The following TUSC3 variants were observed in gnomAD, a reference collection of about 807,000 sequenced individuals.
TUSC3 encodes the protein dolichyl-diphosphooligosaccharide--protein glycosyltransferase subunit TUSC3.
In TUSC3, 45 loss-of-function variants were observed where a neutral mutation model predicts 44.8. The ratio of observed to expected loss-of-function variants is 1.00; its 90% CI spans 0.79 to 1.29. The LOEUF (loss-of-function observed/expected upper bound fraction) is 1.29, where lower values mean the gene tolerates loss of function less well. TUSC3 is among the 50% of genes most tolerant of loss of function. The probability of loss-of-function intolerance (pLI) is 0.00; values close to 1 mark genes in which losing one functional copy is unlikely to be tolerated. For synonymous variants in TUSC3, 212 were observed against 152.9 expected, an observed-to-expected ratio of 1.39 and a Z score of -2.85; for missense variants, 519 against 437.9, an observed-to-expected ratio of 1.19 and a Z score of -1.65.
At chr8:15,621,080 T>G (rs1156932241) in intron 1 of TUSC3, among the ~76,000 whole-genome samples, 1 of 152,076 alleles carries the variant, frequency 6.6e-6, no homozygotes, top group East Asian at 1.9e-4. Context: ...CTTAGACCAG[T>G]TCTCTTCTGC....
intron 1 of TUSC3, among the ~76,000 whole-genome samples, chr8:15,621,548 C>A (rs1252385598): frequency 6.9e-6 from 1 of 145,436 alleles, no homozygotes; most frequent in Admixed American, 6.9e-5. Context: ...AGTATATTTC[C>A]AAAGTTATAT....
At chr8:15,523,688 G>GTATATA (rs1296439729) in intron 2 of TUSC3, among the ~76,000 whole-genome samples, 9 of 50,074 alleles carry the variant, frequency 1.8e-4, no homozygotes, top group African/African-American at 5.0e-4. Flanking sequence ...GTGTGTGTGT[G>GTATATA]TGTGTGTGTG....
chr8:15,569,831 T>C (rs1224682994), intron 1 of TUSC3, among the ~76,000 whole-genome samples: 1 of 152,154 alleles, frequency 6.6e-6, no homozygotes. Flanking sequence ...TTGTGTATGA[T>C]TTGTAATCCA....
intron 1 of TUSC3, among the ~76,000 whole-genome samples, chr8:15,562,094 G>A (rs923475289): frequency 6.6e-6 from 1 of 152,162 alleles, no homozygotes; most frequent in Middle Eastern, 3.2e-3. Context: ...GCAGCAGTAA[G>A]AACAGCTATG....
intron 2 of TUSC3, among the ~76,000 whole-genome samples, chr8:15,530,290 C>G (rs1801432925): frequency 1.3e-5 from 2 of 152,070 alleles, no homozygotes; most frequent in Admixed American, 6.6e-5. Context: ...CTTTGCCTAT[C>G]ATTTCTTTCT....
chr8:15,790,765 G>C, the TUSC3 span, among the ~76,000 whole-genome samples: 1 of 152,144 alleles, frequency 6.6e-6, no homozygotes, highest in Non-Finnish European at 1.5e-5. Context: ...TCAAACTTGA[G>C]AATCAAGGTG....
intron 1 of TUSC3, among the ~76,000 whole-genome samples, chr8:15,456,896 T>A (rs1192563964): frequency 6.6e-6 from 1 of 152,090 alleles, no homozygotes; most frequent in Non-Finnish European, 1.5e-5. Context: ...ACCAAAAGCA[T>A]TGACTTGAAT....
intron 2 of TUSC3, among the ~76,000 whole-genome samples, chr8:15,528,894 C>G (rs988705361): frequency 2.6e-5 from 4 of 152,104 alleles, no homozygotes; most frequent in Admixed American, 1.3e-4. Context: ...GAACTTTGAC[C>G]TCAGAGCATC....
At chr8:15,827,947 T>C in the TUSC3 span, among the ~76,000 whole-genome samples, 5 of 151,984 alleles carry the variant, frequency 3.3e-5, no homozygotes, top group Non-Finnish European at 7.4e-5. Flanking sequence ...TCTCAAAATA[T>C]ATACTGAAGT....
chr8:15,675,316 C>G (rs1271415600), intron 6 of TUSC3, among the ~76,000 whole-genome samples: 6 of 151,582 alleles, frequency 4.0e-5, no homozygotes, highest in Non-Finnish European at 8.8e-5. Flanking sequence ...AGGTATAAAA[C>G]ATATTAAGGC....
At position 15,738,098 on chromosome 8, in the gene TUSC3, C is replaced by A. The variant is rs566431833; in HGVS notation, c.863-5440C>A. ...TAATTACACCCATCAGGTTTTTAAA[C>A]GGCTCACTGCTCTTTTCTTGTTAAA... is the stretch of plus-strand genomic sequence containing the variant. On this transcript the variant is annotated intron_variant, in intron 7 of 10. Transcript: ENST00000503731. 2.0e-5 allele frequency among the ~76,000 whole-genome samples: 3 copies of A among 152,080 alleles called. No individual in the cohort carries two copies. In the South Asian group the frequency reaches 6.2e-4, roughly 32 times the overall value.
the TUSC3 span, chr8:15,807,151 C>T: frequency 2.3e-6 from 2 of 887,670 alleles, no homozygotes; most frequent in South Asian, 2.7e-5. Flanking sequence ...CTTGGCAAAG[C>T]AATCACAGCC....
intron 2 of TUSC3, among the ~76,000 whole-genome samples, chr8:15,638,244 A>G (rs1032837751): frequency 2.0e-5 from 3 of 149,446 alleles, no homozygotes; most frequent in Admixed American, 6.7e-5. Flanking sequence ...CTGTTCTTGC[A>G]TGGATTACTG....
chr8:15,425,475 T>C (rs949828639), intron 1 of TUSC3, among the ~76,000 whole-genome samples: 2 of 152,216 alleles, frequency 1.3e-5, no homozygotes, highest in African/African-American at 4.8e-5. Context: ...GATTTCTTTA[T>C]TGGGGTATAA....
chr8:15,710,063 A>G (rs769828225), intron 6 of TUSC3, among the ~76,000 whole-genome samples: 4 of 151,732 alleles, frequency 2.6e-5, no homozygotes, highest in Non-Finnish European at 5.9e-5. Flanking sequence ...TCTACAGTCT[A>G]TACTGTTTTT....
chr8:15,504,603 ATATATATATATATAT>A (rs1801021589), intron 2 of TUSC3, among the ~76,000 whole-genome samples: 2 of 38,512 alleles, frequency 5.2e-5, no homozygotes, highest in African/African-American at 2.5e-4. Context: ...ATATATATAT[ATATATATATATATAT>A]ATATTTTTTT....
upstream of TUSC3, among the ~76,000 whole-genome samples, chr8:15,535,777 G>A (rs1283058576): frequency 6.6e-6 from 1 of 152,132 alleles, no homozygotes; most frequent in African/African-American, 2.4e-5. Flanking sequence ...GTGTGTCAAG[G>A]GTAAGGAGTT....
Position 15,446,907 on chromosome 8 carries a change from A to AAAT in TUSC3, n.91+29604_91+29605insTAA, listed in dbSNP as rs1554502531. Among the ~76,000 whole-genome samples, 3 of 32,810 alleles carry AAAT rather than the reference A, an allele frequency of 9.1e-5. No homozygotes were observed. In the South Asian group the frequency reaches 2.8e-3, roughly 30 times the overall value. The allele number at this position is 32,810 out of a possible 152,430, so 21.5% of individuals were successfully genotyped here. On this transcript the variant is annotated intron_variant and non_coding_transcript_variant, in intron 1 of 5. Transcript: ENST00000503191. ...AAGGATGAGTAGGTAACAGAAAAAA[A>AAAT]AACAAAGGAGGTAAAATTAATACAG...
chr8:15,768,320 A>G (rs1812383360), downstream of TUSC3, among the ~76,000 whole-genome samples: 1 of 152,194 alleles, frequency 6.6e-6, no homozygotes, highest in South Asian at 2.1e-4. Flanking sequence ...AGCCGTGATA[A>G]CAAAACTTGG....
Sources: allele counts gnomAD v4.1 joint callset (sites outside exome capture counted in the v4.1 genomes callset), GRCh38; gene constraint gnomAD v4.1.1; transcripts MANE v1.5; gene names NCBI Gene and HGNC (gene_info 2026-07-23, HGNC 2026-07-21).